Variants in HS6ST3 observed in about 807,000 individuals in gnomAD.
HS6ST3 encodes the protein heparan sulfate 6-O-sulfotransferase 3, also known as heparan-sulfate 6-O-sulfotransferase 3.
HS6ST3 carries 12 observed loss-of-function variants against 36.7 expected under a neutral mutation model. That is an observed-to-expected ratio of 0.33 (90% CI 0.21 to 0.53). The LOEUF is 0.53. Ranked by LOEUF, HS6ST3 falls within the 20% of genes least tolerant of loss-of-function variation. HS6ST3 has a pLI of 0.95. For synonymous variants in HS6ST3, 240 were observed against 257.5 expected (o/e 0.93, Z 0.65); for missense variants, 584 against 640.9 (o/e 0.91, Z 0.96).
intron 1 of HS6ST3, among the ~76,000 whole-genome samples, chr13:96,211,175 A>G (rs2054397324): frequency 1.3e-5 from 2 of 152,202 alleles, no homozygotes; most frequent in Non-Finnish European, 2.9e-5. Context: ...CAGGTGATAC[A>G]TCTGCCTTGG....
At chr13:96,678,365 T>C (rs1428925162) in intron 1 of HS6ST3, among the ~76,000 whole-genome samples, 1 of 152,076 alleles carries the variant, frequency 6.6e-6, no homozygotes, top group East Asian at 1.9e-4. Context: ...TAGTATAGCA[T>C]GATAGCTAGT....
At chr13:96,581,602 GC>G (rs560872317) in intron 1 of HS6ST3, among the ~76,000 whole-genome samples, 222 of 152,274 alleles carry the variant, frequency 1.5e-3, no homozygotes, top group South Asian at 6.2e-3. Context: ...TCCTCAGGAA[GC>G]TGAGACAGTA....
chr13:96,812,663 G>C (rs955033719), intron 1 of HS6ST3, among the ~76,000 whole-genome samples: 4 of 152,112 alleles, frequency 2.6e-5, no homozygotes, highest in Admixed American at 2.0e-4. Context: ...TTCAAGCTTT[G>C]AGATCTTTGT....
At chr13:96,496,683 G>A (rs1317503903) in intron 1 of HS6ST3, among the ~76,000 whole-genome samples, 1 of 152,180 alleles carries the variant, frequency 6.6e-6, no homozygotes, top group African/African-American at 2.4e-5. Flanking sequence ...CTATGTGGAG[G>A]AGAAAATGCA....
intron 1 of HS6ST3, among the ~76,000 whole-genome samples, chr13:96,826,535 G>A (rs1878651120): frequency 6.6e-6 from 1 of 152,080 alleles, no homozygotes; most frequent in African/African-American, 2.4e-5. Context: ...ACATGACCAA[G>A]ACTGTTACAT....
At chr13:96,184,674 T>C (rs754467051) in intron 1 of HS6ST3, among the ~76,000 whole-genome samples, 2 of 152,130 alleles carry the variant, frequency 1.3e-5, no homozygotes, top group Non-Finnish European at 2.9e-5. Context: ...CAGGACTTCC[T>C]GTAAAAGTCC....
At chr13:96,709,851 C>T (rs531862859) in intron 1 of HS6ST3, among the ~76,000 whole-genome samples, 33 of 152,296 alleles carry the variant, frequency 2.2e-4, no homozygotes, top group African/African-American at 7.9e-4. Context: ...TTAAGATATA[C>T]TTTTTAATTT....
At chr13:96,206,917 A>G (rs1222360816) in intron 1 of HS6ST3, among the ~76,000 whole-genome samples, 1 of 152,198 alleles carries the variant, frequency 6.6e-6, no homozygotes, top group African/African-American at 2.4e-5. Context: ...TTCATGATGA[A>G]AAGGCCAAAA....
chr13:96,259,788 C>T (rs545639262), intron 1 of HS6ST3, among the ~76,000 whole-genome samples: 46 of 152,148 alleles, frequency 3.0e-4, no homozygotes, highest in African/African-American at 5.3e-4. Flanking sequence ...AACTGGAAAA[C>T]AAAATAACTA....
intron 1 of HS6ST3, among the ~76,000 whole-genome samples, chr13:96,813,627 C>T (rs1029444501): frequency 7.9e-5 from 12 of 152,318 alleles, no homozygotes; most frequent in South Asian, 4.1e-4. Flanking sequence ...CTATGCCCAG[C>T]GTCTACTGGC....
intron 1 of HS6ST3, among the ~76,000 whole-genome samples, chr13:96,819,761 T>A (rs1203346302): frequency 6.6e-6 from 1 of 151,980 alleles, no homozygotes; most frequent in Admixed American, 6.6e-5. Context: ...CTTAAGAAAA[T>A]CCTTGTATAT....
At chr13:96,151,185 C>A (rs2054083144) in intron 1 of HS6ST3, among the ~76,000 whole-genome samples, 3 of 152,100 alleles carry the variant, frequency 2.0e-5, no homozygotes, top group Non-Finnish European at 4.4e-5. Context: ...GGGTAGATCA[C>A]CTGAGGTCAG....
intron 1 of HS6ST3, among the ~76,000 whole-genome samples, chr13:96,658,991 A>G (rs1185591700): frequency 6.6e-6 from 1 of 152,048 alleles, no homozygotes; most frequent in Non-Finnish European, 1.5e-5. Context: ...ACAGGCATGA[A>G]CCTCTGTGCC....
intron 1 of HS6ST3, among the ~76,000 whole-genome samples, chr13:96,750,571 A>G (rs886900008): frequency 6.6e-6 from 1 of 152,228 alleles, no homozygotes; most frequent in Non-Finnish European, 1.5e-5. Flanking sequence ...ATGTGTATTT[A>G]TGTGTATATG....
chr13:96,578,558 C>CTTAT (rs1157270064), intron 1 of HS6ST3, among the ~76,000 whole-genome samples: 85 of 151,976 alleles, frequency 5.6e-4, no homozygotes, highest in Middle Eastern at 3.4e-3. Context: ...CTTTTATTTA[C>CTTAT]TTATTTATTT....
intron 1 of HS6ST3, among the ~76,000 whole-genome samples, chr13:96,693,977 A>G (rs1037266338): frequency 1.3e-5 from 2 of 152,136 alleles, no homozygotes; most frequent in African/African-American, 2.4e-5. Flanking sequence ...TTATATCTAC[A>G]GGAAGTTATA....
intron 1 of HS6ST3, among the ~76,000 whole-genome samples, chr13:96,108,658 G>A (rs762161421): frequency 1.3e-5 from 2 of 151,968 alleles, no homozygotes; most frequent in Non-Finnish European, 2.9e-5. Flanking sequence ...CAGACCAGCC[G>A]ACACTTAGGG....
chr13:96,446,015 A>T (rs1399127594), intron 1 of HS6ST3, among the ~76,000 whole-genome samples: 1 of 152,080 alleles, frequency 6.6e-6, no homozygotes, highest in Non-Finnish European at 1.5e-5. Context: ...TACTAAAAAT[A>T]CAAAAAAATT....
At chr13:96,541,471 G>A (rs1041529405) in intron 1 of HS6ST3, among the ~76,000 whole-genome samples, 2 of 152,126 alleles carry the variant, frequency 1.3e-5, no homozygotes, top group Non-Finnish European at 2.9e-5. Context: ...AATGTACGGG[G>A]ATTTGGGTAT....
Sources: gnomAD v4.1 joint callset for allele counts (sites outside exome capture counted in the v4.1 genomes callset) on GRCh38, gnomAD v4.1.1 for gene constraint, MANE v1.5 for transcripts, NCBI Gene and HGNC (gene_info 2026-07-23, HGNC 2026-07-21) for gene names.